The following DESI2 variants were observed in gnomAD, a reference collection of about 807,000 sequenced individuals.
DESI2 encodes deubiquitinase DESI2.
A neutral mutation model predicts 24.1 loss-of-function variants in DESI2; 10 were observed. The observed-to-expected ratio is 0.41, with a 90% CI of 0.26 to 0.70. The LOEUF is 0.70. DESI2 is among the 30% of genes least tolerant of loss of function. The pLI is 0.29. For missense variants in DESI2, 122 were observed against 234.9 expected (o/e 0.52, Z 3.14); for synonymous variants, 71 against 87.7 (o/e 0.81, Z 1.06).
chr1:244,700,263 C>T (rs1677395386), intron 4 of DESI2, among the ~76,000 whole-genome samples: 1 of 152,114 alleles, frequency 6.6e-6, no homozygotes, highest in Non-Finnish European at 1.5e-5. Flanking sequence ...TGACACAGTT[C>T]CCTAGTATTC....
intron 1 of DESI2, among the ~76,000 whole-genome samples, chr1:244,669,751 T>C (rs1676182137): frequency 1.3e-5 from 2 of 152,136 alleles, no homozygotes; most frequent in Non-Finnish European, 2.9e-5. Context: ...GTATTAGTAT[T>C]AGTGGTCATT....
chr1:244,683,728 AT>A (rs897375930), intron 1 of DESI2, among the ~76,000 whole-genome samples: 8 of 147,746 alleles, frequency 5.4e-5, no homozygotes, highest in Non-Finnish European at 1.0e-4. Context: ...CACTTTTTGA[AT>A]TTTTTTTTAG....
intron 4 of DESI2, chr1:244,694,857 C>A (rs1414006005): frequency 2.1e-6 from 1 of 487,436 alleles, no homozygotes; most frequent in East Asian, 3.5e-5. Context: ...GATTTATGGC[C>A]TATAAAGCCC....
intron 1 of DESI2, among the ~76,000 whole-genome samples, chr1:244,676,773 G>A (rs1473239697): frequency 1.4e-5 from 2 of 147,126 alleles, no homozygotes; most frequent in Non-Finnish European, 3.0e-5. Flanking sequence ...TATATACAAT[G>A]TATATTTTAT....
chr1:244,681,988 A>C (rs1241882552), intron 1 of DESI2, among the ~76,000 whole-genome samples: 1 of 152,102 alleles, frequency 6.6e-6, no homozygotes, highest in African/African-American at 2.4e-5. Context: ...TCAGATGTTC[A>C]GATGTGTCCA....
intron 1 of DESI2, among the ~76,000 whole-genome samples, chr1:244,682,590 A>G (rs531870453): frequency 6.6e-6 from 1 of 152,266 alleles, no homozygotes; most frequent in East Asian, 1.9e-4. Flanking sequence ...AAAAATAGAT[A>G]TTTGCATATG....
At chr1:244,653,401 T>A (rs1184409404) in intron 1 of DESI2, 46 bp downstream of exon 1, 21 of 1,530,700 alleles carry the variant, frequency 1.4e-5, no homozygotes, top group Non-Finnish European at 1.8e-5. Context: ...CAGGCCGGCT[T>A]CCTCTCGCCC....
chr1:244,683,672 ACTTCCT>A (rs1297291083), intron 1 of DESI2, among the ~76,000 whole-genome samples: 1 of 151,750 alleles, frequency 6.6e-6, no homozygotes, highest in African/African-American at 2.4e-5. Flanking sequence ...CCTGGAAATT[ACTTCCT>A]CTTCCTCTTA....
At chr1:244,664,243 G>A (rs1420928652) in intron 1 of DESI2, among the ~76,000 whole-genome samples, 1 of 152,162 alleles carries the variant, frequency 6.6e-6, no homozygotes, top group Non-Finnish European at 1.5e-5. Flanking sequence ...GGGTGAGAGA[G>A]AAGAGGTAAA....
At chr1:244,683,916 G>C (rs1249354217) in intron 1 of DESI2, among the ~76,000 whole-genome samples, 1 of 151,202 alleles carries the variant, frequency 6.6e-6, no homozygotes, top group African/African-American at 2.4e-5. Context: ...TGTTGCCTAG[G>C]GGGGTCTTGA....
In DESI2 at chr1:244,653,149, G is replaced by A. The variant is rs1412089331; in HGVS notation, c.-165G>A. 3.3e-6 allele frequency: 2 copies of A among 612,094 alleles called. No individual in the cohort carries two copies. Among genetic ancestry groups the A allele is most frequent in the African/African-American group, 1.9e-5 (1 of 51,834 alleles). The allele number at this position is 612,094 out of a possible 1,614,324, so 37.9% of individuals were successfully genotyped here. On this transcript the variant is annotated 5_prime_UTR_variant, in exon 1 of 5. Coordinates refer to ENST00000302550, the MANE Select transcript of DESI2 (RefSeq NM_016076.5). ...ACAGACGCTCCTGTCGGCGGCGCCC[G>A]GGAGCGGCTCGGCTGCCCGATGCTT...
At chr1:244,661,781 T>C (rs1468517859) in intron 1 of DESI2, among the ~76,000 whole-genome samples, 2 of 152,246 alleles carry the variant, frequency 1.3e-5, no homozygotes, top group Non-Finnish European at 2.9e-5. Context: ...GATGTGTATG[T>C]GCCACATTTT....
chr1:244,661,057 G>T (rs554698602), intron 1 of DESI2, among the ~76,000 whole-genome samples: 1 of 151,946 alleles, frequency 6.6e-6, no homozygotes, highest in Non-Finnish European at 1.5e-5. Flanking sequence ...TAAAATTTAC[G>T]TTTTTAACTA....
At position 244,655,249 on chromosome 1, in the gene DESI2, G is replaced by C. The variant is rs1231276996; in HGVS notation, c.42+1894G>C. ...GCAGCAGACAGGGGAGAGAGTAAGT[G>C]ATCTGCCTAAACAACTAAAAATACA... On this transcript the variant is annotated intron_variant, in intron 1 of 4. Transcript: ENST00000302550. Among the ~76,000 whole-genome samples the C allele has an allele frequency of 2.0e-5, 3 of 152,200 alleles. No individual in the cohort carries two copies. In the South Asian group the frequency reaches 6.2e-4, roughly 31 times the overall value.
chr1:244,659,282 G>C (rs1001778768), intron 1 of DESI2, among the ~76,000 whole-genome samples: 3 of 152,090 alleles, frequency 2.0e-5, no homozygotes, highest in Non-Finnish European at 4.4e-5. Flanking sequence ...GCAATAACAA[G>C]TTGCCAAAAA....
intron 4 of DESI2, among the ~76,000 whole-genome samples, chr1:244,699,035 G>A (rs949763344): frequency 7.9e-5 from 12 of 152,104 alleles, no homozygotes; most frequent in African/African-American, 2.4e-4. Context: ...ACTAGCTGCC[G>A]TTTGCAACAG....
intron 1 of DESI2, among the ~76,000 whole-genome samples, chr1:244,674,366 G>C (rs1334273534): frequency 6.8e-6 from 1 of 147,646 alleles, no homozygotes; most frequent in Non-Finnish European, 1.5e-5. Flanking sequence ...TCATATACTA[G>C]ATGAACTATA....
chr1:244,688,731 A>C (rs1676910392), intron 2 of DESI2, among the ~76,000 whole-genome samples: 1 of 152,152 alleles, frequency 6.6e-6, no homozygotes, highest in African/African-American at 2.4e-5. Flanking sequence ...TTAATTTGGC[A>C]GTTTATTTTT....
chr1:244,675,955 T>G (rs930194457), intron 1 of DESI2, among the ~76,000 whole-genome samples: 1 of 152,232 alleles, frequency 6.6e-6, no homozygotes, highest in Non-Finnish European at 1.5e-5. Flanking sequence ...AACAATGTTT[T>G]GTAGTTTTCA....
Sources: gnomAD v4.1 joint callset for allele counts (sites outside exome capture counted in the v4.1 genomes callset) on GRCh38, gnomAD v4.1.1 for gene constraint, MANE v1.5 for transcripts, NCBI Gene and HGNC (gene_info 2026-07-23, HGNC 2026-07-21) for gene names.